The following SP4 variants were observed in gnomAD, a reference collection of about 807,000 sequenced individuals.
The protein encoded by SP4 is Sp4 transcription factor, also known as transcription factor Sp4.
SP4 carries 19 observed loss-of-function variants against 72.8 expected under a neutral mutation model. The ratio of observed to expected loss-of-function variants is 0.26; its 90% confidence interval spans 0.18 to 0.38. The LOEUF is 0.38. Ranked by LOEUF, SP4 falls within the 10% of genes least tolerant of loss-of-function variation. SP4 has a pLI of 1.00. For synonymous variants in SP4, 395 were observed against 333.1 expected (o/e 1.19, Z -2.02); for missense variants, 1,008 against 926.3 (o/e 1.09, Z -1.14).
chr7:21,429,797 C>T lies in SP4; in HGVS notation c.632C>T (p.Ala211Val). ...AGNNQAILTA[A>V]NRTASGNILA... ...AATAATCAAGCTATACTCACAGCTG[C>T]TAACAGGACAGCTTCTGGGAATATT... Residue 211 changes from alanine to valine, a missense_variant, in exon 3 of 6, where the codon GCT (alanine) becomes GTT (valine). Physicochemically the swap from Ala to Val is moderately conservative, Grantham distance 64. Around this residue, in one of 3 missense-constraint regions of SP4, gnomAD observed 893 missense variants for 743.3 expected, o/e 1.20. Coordinates refer to ENST00000222584, the MANE Select transcript of SP4 (RefSeq NM_003112.5). 5 of 1,614,204 alleles carry T rather than the reference C, an allele frequency of 3.1e-6. No homozygotes were observed. The highest frequency in any genetic ancestry group is 4.2e-6 in the Non-Finnish European group (5 of 1,180,020).
chr7:21,443,455 G>A (rs1043750350), intron 3 of SP4, among the ~76,000 whole-genome samples: 1 of 152,240 alleles, frequency 6.6e-6, no homozygotes, highest in African/African-American at 2.4e-5. Context: ...AGAAGAAATT[G>A]AAGGTATGTA....
At chr7:21,459,925 A>T (rs1783900934) in intron 3 of SP4, among the ~76,000 whole-genome samples, 1 of 152,258 alleles carries the variant, frequency 6.6e-6, no homozygotes, top group South Asian at 2.1e-4. Context: ...CAGAATATTC[A>T]TTAAAATAAA....
intron 3 of SP4, among the ~76,000 whole-genome samples, chr7:21,437,623 A>C (rs1001079816): frequency 6.6e-6 from 1 of 152,182 alleles, no homozygotes; most frequent in African/African-American, 2.4e-5. Flanking sequence ...TAATAGGCTG[A>C]AATGGTGGGC....
intron 5 of SP4, 138 bp downstream of exon 5, chr7:21,482,261 G>T: frequency 1.5e-6 from 1 of 650,006 alleles, no homozygotes; most frequent in Non-Finnish European, 2.6e-6. Flanking sequence ...TATGGAAGAT[G>T]TTTAAGATGA....
chr7:21,428,993 T>G (rs1782731406), intron 2 of SP4: 1 of 593,186 alleles, frequency 1.7e-6, no homozygotes, highest in Non-Finnish European at 3.0e-6. Flanking sequence ...CATCAGGAAT[T>G]CAGACTATAA....
intron 3 of SP4, among the ~76,000 whole-genome samples, chr7:21,448,834 A>G (rs1291710421): frequency 2.0e-5 from 3 of 152,220 alleles, no homozygotes; most frequent in Admixed American, 6.5e-5. Context: ...ACATATAACA[A>G]TGCTGGTATA....
In SP4 at chr7:21,481,912, T is replaced by C; in HGVS notation, c.1908-12T>C. On this transcript the variant is annotated splice_polypyrimidine_tract_variant and intron_variant, in intron 4 of 5. Coordinates refer to ENST00000222584, the MANE Select transcript of SP4 (RefSeq NM_003112.5). ...GGCAGTGTAATTAATGTTCGGTTTT[T>C]GTTTTTGCTAGAGGCAGTAATGAAC... is the stretch of plus-strand genomic sequence containing the variant. 6.2e-7 allele frequency: 1 copy of C among 1,603,720 alleles called. No individual in the cohort carries two copies. Among genetic ancestry groups the C allele is most frequent in the Non-Finnish European group, 8.5e-7 (1 of 1,170,812 alleles).
intron 3 of SP4, among the ~76,000 whole-genome samples, chr7:21,445,712 T>G (rs967313149): frequency 1.3e-5 from 2 of 152,154 alleles, no homozygotes; most frequent in African/African-American, 4.8e-5. Context: ...TGGCGGGTGT[T>G]GAGAAAAGAA....
In SP4 at chr7:21,430,910, CTA is replaced by C. The variant is rs1400338219; in HGVS notation, c.1678+68_1678+69del. On this transcript the variant is annotated intron_variant, in intron 3 of 5. Coordinates refer to ENST00000222584, the MANE Select transcript of SP4 (RefSeq NM_003112.5). ...TCATAACAATTATTGCTTTTCTCTCCTAATTCTAAGGTTTGACGTAGACCTCT... is the reference window on the plus strand; with the variant it reads ...TCATAACAATTATTGCTTTTCTCTCCATTCTAAGGTTTGACGTAGACCTCT... 2.4e-6 allele frequency: 3 copies of C among 1,238,182 alleles called. No individual in the cohort carries two copies. The Admixed American group carries it at 6.2e-5, about 26-fold the overall frequency. The allele number at this position is 1,238,182 out of a possible 1,614,324, so 76.7% of individuals were successfully genotyped here.
rs545009880 is a variant in SP4, at chr7:21,429,000, A to G, written c.123+208A>G. On this transcript the variant is annotated intron_variant, in intron 2 of 5. Coordinates refer to ENST00000222584, the MANE Select transcript of SP4 (RefSeq NM_003112.5). ...TAAAATTACATCAGGAATTCAGACTATAAGAAAACGGTGTGTGTGTTCCCA... is the reference window on the plus strand; with the variant it reads ...TAAAATTACATCAGGAATTCAGACTGTAAGAAAACGGTGTGTGTGTTCCCA... 141 of 589,110 alleles carry G rather than the reference A, an allele frequency of 2.4e-4. No homozygotes were observed. In the African/African-American group the frequency reaches 2.4e-3, roughly 10 times the overall value. The allele number at this position is 589,110 out of a possible 1,614,324, so 36.5% of individuals were successfully genotyped here.
At chr7:21,482,832 ATTTG>A in intron 5 of SP4, 17 of 803,352 alleles carry the variant, frequency 2.1e-5, no homozygotes, top group Non-Finnish European at 2.4e-5. Flanking sequence ...ATATATGTAT[ATTTG>A]CATATATGAA....
intron 3 of SP4, among the ~76,000 whole-genome samples, chr7:21,437,936 C>G (rs1035032730): frequency 2.0e-5 from 3 of 150,512 alleles, no homozygotes; most frequent in African/African-American, 4.9e-5. Flanking sequence ...TAGCAATAAT[C>G]AAAGAACGGA....
intron 5 of SP4, among the ~76,000 whole-genome samples, chr7:21,501,839 A>G (rs970893671): frequency 6.6e-6 from 1 of 152,182 alleles, no homozygotes; most frequent in African/African-American, 2.4e-5. Context: ...GTCTAGCGCA[A>G]GCCTGTTTTC....
chr7:21,490,724 A>C (rs540293517), intron 5 of SP4, among the ~76,000 whole-genome samples: 9 of 152,330 alleles, frequency 5.9e-5, no homozygotes, highest in African/African-American at 2.2e-4. Flanking sequence ...AACCTTGAGC[A>C]TTGCATGCAC....
chr7:21,483,300 C>G (rs1037163725), intron 5 of SP4, among the ~76,000 whole-genome samples: 6 of 151,622 alleles, frequency 4.0e-5, no homozygotes, highest in Non-Finnish European at 7.4e-5. Context: ...ATATGTTATA[C>G]TTTTCCCTTT....
At chr7:21,454,188 A>C (rs183730617) in intron 3 of SP4, among the ~76,000 whole-genome samples, 1 of 151,826 alleles carries the variant, frequency 6.6e-6, no homozygotes, top group East Asian at 1.9e-4. Flanking sequence ...GACTCTTTCC[A>C]GCATAGCTAG....
Position 21,428,180 on chromosome 7 carries a change from CCCGCCTCG to C in SP4, c.-69_-62del. 3 of 584,900 alleles carry C rather than the reference CCCGCCTCG, an allele frequency of 5.1e-6. No homozygotes were observed. The highest frequency in any genetic ancestry group is 4.0e-5 in the East Asian group (1 of 24,930). The allele number at this position is 584,900 out of a possible 1,614,324, so 36.2% of individuals were successfully genotyped here. On this transcript the variant is annotated 5_prime_UTR_variant, in exon 1 of 6. Coordinates refer to ENST00000222584, the MANE Select transcript of SP4 (RefSeq NM_003112.5). The stretch of plus-strand genomic sequence containing the variant: ...CGGGCGGGCGGGACCGGCCTCTCCT[CCCGCCTCG>C]CCCCCACCCCCACCCACCTCTATCC...
intron 5 of SP4, among the ~76,000 whole-genome samples, chr7:21,504,035 C>T (rs988963882): frequency 2.6e-5 from 4 of 152,216 alleles, no homozygotes; most frequent in East Asian, 3.9e-4. Context: ...TCTTCCTCCT[C>T]CTCTCTGGTA....
chr7:21,460,382 G>A (rs893186852), intron 3 of SP4, among the ~76,000 whole-genome samples: 31 of 152,092 alleles, frequency 2.0e-4, no homozygotes, highest in African/African-American at 1.2e-4. Context: ...GTCTGGAGTC[G>A]TTTTTTCCTC....
Sources: allele counts gnomAD v4.1 joint callset (sites outside exome capture counted in the v4.1 genomes callset), GRCh38; gene constraint gnomAD v4.1.1; regional missense constraint gnomAD v4.1.1; transcripts MANE v1.5; gene names NCBI Gene and HGNC (gene_info 2026-07-23, HGNC 2026-07-21).